WIPF1: variants seen among roughly 807,000 people sequenced by gnomAD.
WIPF1 encodes WAS/WASL-interacting protein family member 1.
A neutral mutation model predicts 35.4 loss-of-function variants in WIPF1; 13 were observed. That is an observed-to-expected ratio of 0.37 (90% CI 0.24 to 0.58). The LOEUF (loss-of-function observed/expected upper bound fraction) is 0.58. Among genes scored for constraint, WIPF1 ranks in the 20% least tolerant of loss-of-function variants. The pLI is 0.74. For missense variants in WIPF1, 591 were observed against 667.0 expected (o/e 0.89, Z 1.25); for synonymous variants, 267 against 266.3 (o/e 1.00, Z -0.02).
intron 1 of WIPF1, among the ~76,000 whole-genome samples, chr2:174,610,562 A>G (rs1336647573): frequency 6.6e-6 from 1 of 152,216 alleles, no homozygotes; most frequent in Non-Finnish European, 1.5e-5. Context: ...AAAAAAATAT[A>G]AATGGTCTCT....
chr2:174,638,507 C>T (rs1264862935), intron 1 of WIPF1, among the ~76,000 whole-genome samples: 4 of 152,176 alleles, frequency 2.6e-5, no homozygotes, highest in Non-Finnish European at 4.4e-5. Flanking sequence ...TTCACTCCTC[C>T]TGTCTAATTG....
Position 174,572,249 on chromosome 2 carries a change from G to A in WIPF1, c.556C>T (p.Pro186Ser). 1 of 1,614,090 alleles carries A rather than the reference G, an allele frequency of 6.2e-7. No homozygotes were observed. Among genetic ancestry groups the A allele is most frequent in the Non-Finnish European group, 8.5e-7 (1 of 1,179,920 alleles). ...ATGGGTCTTGGAGTACTAGGTACTG[G>A]AGGAGGAATGCTATCAGGCTTTGAG... ...VGSKPDSIPP[P>S]VPSTPRPIQS... Residue 186 changes from proline to serine, a missense_variant, in exon 5 of 8, where the codon CCA becomes TCA. Physicochemically the swap from Pro to Ser is moderately conservative, Grantham distance 74. Transcript: ENST00000679041.
intron 1 of WIPF1, among the ~76,000 whole-genome samples, chr2:174,664,222 C>T (rs984634251): frequency 2.6e-5 from 4 of 152,180 alleles, no homozygotes; most frequent in South Asian, 2.1e-4. Flanking sequence ...GGGTCTGAAG[C>T]GCCAGGCCTT....
At chr2:174,646,608 G>T (rs377750418) in intron 1 of WIPF1, among the ~76,000 whole-genome samples, 2 of 152,148 alleles carry the variant, frequency 1.3e-5, no homozygotes, top group African/African-American at 4.8e-5. Context: ...AAGGCAACCA[G>T]AGTCAAGCAA....
intron 1 of WIPF1, among the ~76,000 whole-genome samples, chr2:174,611,848 AACTTTGTTAAGTTTCTCCC>A: frequency 6.6e-6 from 1 of 152,204 alleles, no homozygotes; most frequent in African/African-American, 2.4e-5. Flanking sequence ...GTCTAGGGTT[AACTTTGTTAAGTTTCTCCC>A]ACTTTTCATA....
At position 174,572,430 on chromosome 2, in the gene WIPF1, T is replaced by C; in HGVS notation, c.375A>G (p.Arg125=). Residue 125 remains arginine (R), a synonymous_variant, in exon 5 of 8, where the codon CGA becomes CGG. Transcript: ENST00000679041. ...ANRDNDSGGS[R]PPLLPPGGRS... ...TTCCTCCCGGTGGCAACAATGGTGG[T>C]CGGCTTCCTCCAGAATCTGAAGAAC... is the stretch of plus-strand genomic sequence containing the variant. 1 of 1,614,130 alleles carries C rather than the reference T, an allele frequency of 6.2e-7. No individual in the cohort carries two copies. Among genetic ancestry groups the C allele is most frequent in the Non-Finnish European group, 8.5e-7 (1 of 1,180,022 alleles).
intron 1 of WIPF1, among the ~76,000 whole-genome samples, chr2:174,649,267 T>C (rs12466643): frequency 0.78 from 119,039 of 152,192 alleles, 46,867 homozygotes; most frequent in East Asian, 0.97. Context: ...CACACGTATA[T>C]ATTTCCTGTG....
intron 1 of WIPF1, among the ~76,000 whole-genome samples, chr2:174,606,937 G>A (rs1686183139): frequency 6.6e-6 from 1 of 152,140 alleles, no homozygotes; most frequent in Admixed American, 6.5e-5. Flanking sequence ...GTCCAAGGTC[G>A]AGGGGCCACA....
At chr2:174,600,852 G>A (rs1685980160), upstream of WIPF1, among the ~76,000 whole-genome samples, 1 of 132,838 alleles carries the variant, frequency 7.5e-6, no homozygotes, top group South Asian at 2.6e-4. Context: ...TGAAAATAGT[G>A]TTTGTTGAAT....
Position 174,581,425 on chromosome 2 carries a change from C to T in WIPF1, c.66G>A (p.Lys22=), listed in dbSNP as rs374208230. ...CCTGCTCTGTCTTATTCAAGGTAGG[C>T]TTCTCTGTATTGGCCTGAAAGGGAG... ...PPTFALANTE[K]PTLNKTEQAG... is the part of the protein sequence containing the mutation. The change falls in exon 3 of 8, where the codon AAG becomes AAA. Residue 22 remains lysine (K), a synonymous_variant. Coordinates refer to ENST00000679041, the MANE Select transcript of WIPF1 (RefSeq NM_001375834.1). The T allele has an allele frequency of 4.3e-5, 69 of 1,613,856 alleles. No homozygotes were observed. The South Asian group carries it at 7.0e-4, about 16-fold the overall frequency.
upstream of WIPF1, among the ~76,000 whole-genome samples, chr2:174,600,912 CTTTTTTTTTTTTTTTTTTTT>C: frequency 1.5e-5 from 1 of 65,436 alleles, no homozygotes; most frequent in Non-Finnish European, 3.0e-5. Flanking sequence ...CATAATGTTC[CTTTTTTTTTTTTTTTTTTTT>C]TTTTTTTTTT....
In WIPF1 at chr2:174,561,576, C is replaced by T. The variant is rs62173689; in HGVS notation, c.*971G>A. On this transcript the variant is annotated 3_prime_UTR_variant, in exon 8 of 8. Transcript: ENST00000679041. Reference sequence around the variant, plus strand: ...AATTTCTGACCTTGGTACTTTGAAGCAACACTTGTATACAGATATTAAGGG... The same window carrying T: ...AATTTCTGACCTTGGTACTTTGAAGTAACACTTGTATACAGATATTAAGGG... The T allele has an allele frequency of 6.5e-6, 1 of 153,470 alleles. No individual in the cohort carries two copies. Among genetic ancestry groups the T allele is most frequent in the Non-Finnish European group, 1.5e-5 (1 of 68,876 alleles). The allele number at this position is 153,470 out of a possible 1,614,324, so 9.5% of individuals were successfully genotyped here.
At chr2:174,600,710 A>C (rs1685974178), upstream of WIPF1, among the ~76,000 whole-genome samples, 1 of 151,982 alleles carries the variant, frequency 6.6e-6, no homozygotes. Flanking sequence ...CTGTTTATTT[A>C]CTTGTATGTT....
intron 1 of WIPF1, among the ~76,000 whole-genome samples, chr2:174,681,330 G>A (rs1020940014): frequency 6.6e-6 from 1 of 152,168 alleles, no homozygotes; most frequent in Non-Finnish European, 1.5e-5. Flanking sequence ...GCCTTGTGCG[G>A]CTGATAGGCA....
At chr2:174,588,030 T>C (rs1438387487) in intron 1 of WIPF1, among the ~76,000 whole-genome samples, 1 of 152,188 alleles carries the variant, frequency 6.6e-6, no homozygotes, top group Non-Finnish European at 1.5e-5. Flanking sequence ...TGGGTGCCTG[T>C]GTTAGGGGGT....
At chr2:174,638,777 G>A (rs78885344) in intron 1 of WIPF1, among the ~76,000 whole-genome samples, 4,829 of 152,148 alleles carry the variant, frequency 0.032, 240 homozygotes, top group African/African-American at 0.11. Context: ...TATATACCAC[G>A]TTTTATTTGT....
chr2:174,636,637 G>A (rs778577735), intron 1 of WIPF1, among the ~76,000 whole-genome samples: 5 of 152,086 alleles, frequency 3.3e-5, no homozygotes, highest in African/African-American at 4.8e-5. Context: ...TTTAGTCGTC[G>A]TGTTTCTTAC....
intron 1 of WIPF1, among the ~76,000 whole-genome samples, chr2:174,646,211 G>A (rs1200015249): frequency 1.3e-5 from 2 of 152,104 alleles, no homozygotes; most frequent in Admixed American, 6.5e-5. Flanking sequence ...TATGTAACAC[G>A]GGACCAAGAG....
chr2:174,568,883 T>C (rs576034175), intron 5 of WIPF1: 31 of 152,286 alleles, frequency 2.0e-4, no homozygotes, highest in African/African-American at 6.3e-4. Context: ...TTTAAAAAAA[T>C]GTAGCAGTAT....
Sources: allele counts gnomAD v4.1 joint callset (sites outside exome capture counted in the v4.1 genomes callset), GRCh38; gene constraint gnomAD v4.1.1; transcripts MANE v1.5; gene names NCBI Gene and HGNC (gene_info 2026-07-23, HGNC 2026-07-21).